The following PTPRG variants were observed in gnomAD, a reference collection of about 807,000 sequenced individuals.
The protein encoded by PTPRG is protein tyrosine phosphatase receptor type G, also known as receptor-type tyrosine-protein phosphatase gamma.
PTPRG carries 102 observed loss-of-function variants against 165.3 expected under a neutral mutation model. The ratio of observed to expected loss-of-function variants is 0.62; its 90% CI spans 0.53 to 0.73. The LOEUF (loss-of-function observed/expected upper bound fraction) is 0.73. Ranked by LOEUF, PTPRG falls within the 30% of genes least tolerant of loss-of-function variation. The pLI, the probability that PTPRG is intolerant of heterozygous loss-of-function variation, is 0.00. For missense variants in PTPRG, 1,866 were observed against 1,861.4 expected (o/e 1.00, Z -0.05); for synonymous variants, 675 against 669.5 (o/e 1.01, Z -0.13).
At chr3:61,894,208 G>A (rs183550630) in intron 2 of PTPRG, among the ~76,000 whole-genome samples, 47 of 146,014 alleles carry the variant, frequency 3.2e-4, no homozygotes, top group Admixed American at 6.5e-4. Context: ...GAGCTGAGGC[G>A]AAAGAATTGC....
intron 2 of PTPRG, among the ~76,000 whole-genome samples, chr3:61,982,608 G>A (rs2040665265): frequency 6.6e-6 from 1 of 152,058 alleles, no homozygotes; most frequent in African/African-American, 2.4e-5. Flanking sequence ...CTCCTTTTGA[G>A]CCTTTACTCA....
chr3:62,065,246 A>C (rs1489219048), intron 4 of PTPRG, among the ~76,000 whole-genome samples: 1 of 152,156 alleles, frequency 6.6e-6, no homozygotes, highest in Non-Finnish European at 1.5e-5. Flanking sequence ...TTGCTCACTG[A>C]GGCATGTTTA....
intron 2 of PTPRG, among the ~76,000 whole-genome samples, chr3:61,785,382 T>G (rs1007684839): frequency 6.6e-6 from 1 of 152,134 alleles, no homozygotes; most frequent in Non-Finnish European, 1.5e-5. Context: ...AGAAGAGAGA[T>G]ATATTTATAT....
intron 5 of PTPRG, among the ~76,000 whole-genome samples, chr3:62,128,074 G>A (rs1703380901): frequency 6.6e-6 from 1 of 152,112 alleles, no homozygotes; most frequent in Non-Finnish European, 1.5e-5. Context: ...ATATACTTTG[G>A]TTGTATCTAA....
At chr3:61,825,971 G>A (rs2107274011) in intron 2 of PTPRG, among the ~76,000 whole-genome samples, 1 of 152,236 alleles carries the variant, frequency 6.6e-6, no homozygotes, top group Admixed American at 6.5e-5. Flanking sequence ...GTTAATAAAT[G>A]ATGATAACAG....
At chr3:61,843,824 T>A (rs1427149800) in intron 2 of PTPRG, among the ~76,000 whole-genome samples, 111 of 144,456 alleles carry the variant, frequency 7.7e-4, no homozygotes, top group Admixed American at 1.2e-3. Flanking sequence ...GACATTTCTT[T>A]AAAAAAAAAA....
chr3:62,135,986 A>T (rs1209734944), intron 6 of PTPRG, among the ~76,000 whole-genome samples: 1 of 152,174 alleles, frequency 6.6e-6, no homozygotes, highest in African/African-American at 2.4e-5. Flanking sequence ...CGCTGGGCAG[A>T]TCCTGGAGGT....
At chr3:61,669,905 C>T (rs1348870242) in intron 1 of PTPRG, among the ~76,000 whole-genome samples, 2 of 152,098 alleles carry the variant, frequency 1.3e-5, no homozygotes, top group African/African-American at 4.8e-5. Context: ...TGTGCTTAGT[C>T]ATGTAGGGCT....
At chr3:61,659,644 G>A (rs1170106341) in intron 1 of PTPRG, among the ~76,000 whole-genome samples, 3 of 152,138 alleles carry the variant, frequency 2.0e-5, no homozygotes, top group African/African-American at 7.2e-5. Flanking sequence ...CATTTTGAGT[G>A]TCATTGATGA....
intron 1 of PTPRG, among the ~76,000 whole-genome samples, chr3:61,568,629 G>T (rs868647186): frequency 2.0e-5 from 3 of 151,824 alleles, no homozygotes; most frequent in African/African-American, 7.2e-5. Flanking sequence ...TTTTTTTTTG[G>T]CCTGGCATGG....
chr3:61,987,559 C>T (rs892548892), intron 2 of PTPRG, among the ~76,000 whole-genome samples: 15 of 152,098 alleles, frequency 9.9e-5, no homozygotes, highest in African/African-American at 3.1e-4. Flanking sequence ...ATTTATTTTA[C>T]TGTGTCCCAT....
chr3:61,993,715 C>G (rs79125038), intron 3 of PTPRG, among the ~76,000 whole-genome samples: 10,112 of 152,114 alleles, frequency 0.066, 758 homozygotes, highest in African/African-American at 0.18. Context: ...TCTTGCATAC[C>G]TAAAAGTATT....
At chr3:62,268,320 A>C (rs1701949551) in intron 19 of PTPRG, among the ~76,000 whole-genome samples, 1 of 152,078 alleles carries the variant, frequency 6.6e-6, no homozygotes, top group Non-Finnish European at 1.5e-5. Context: ...TTAGTGCTGT[A>C]GAATTTATTG....
At chr3:62,118,737 C>T (rs1559528458) in intron 5 of PTPRG, among the ~76,000 whole-genome samples, 2 of 152,152 alleles carry the variant, frequency 1.3e-5, no homozygotes, top group Admixed American at 1.3e-4. Flanking sequence ...ATGCCTGTGT[C>T]ACAGGCATCT....
chr3:61,622,118 T>C (rs1419419196), intron 1 of PTPRG, among the ~76,000 whole-genome samples: 1 of 152,236 alleles, frequency 6.6e-6, no homozygotes, highest in Non-Finnish European at 1.5e-5. Context: ...TTTTCCCGCC[T>C]AAGTTAACTT....
intron 2 of PTPRG, among the ~76,000 whole-genome samples, chr3:61,936,276 C>G (rs1356775453): frequency 6.6e-6 from 1 of 152,162 alleles, no homozygotes; most frequent in African/African-American, 2.4e-5. Context: ...AGACAATTAC[C>G]CTGTGGGACA....
At chr3:61,982,070 T>G (rs2040654735) in intron 2 of PTPRG, among the ~76,000 whole-genome samples, 2 of 152,166 alleles carry the variant, frequency 1.3e-5, no homozygotes, top group Admixed American at 1.3e-4. Flanking sequence ...TTTTAATCCT[T>G]GGATGATTGT....
intron 16 of PTPRG, among the ~76,000 whole-genome samples, chr3:62,260,531 C>CT (rs1701664086): frequency 1.3e-5 from 2 of 152,112 alleles, no homozygotes; most frequent in African/African-American, 4.8e-5. Flanking sequence ...TTCTCCTATG[C>CT]TTATGTGCCT....
chr3:61,696,317 C>G (rs1466675641), intron 1 of PTPRG, among the ~76,000 whole-genome samples: 1 of 152,136 alleles, frequency 6.6e-6, no homozygotes, highest in Non-Finnish European at 1.5e-5. Context: ...GTCTGACCAA[C>G]ATGGGGAAAC....
Sources: gnomAD v4.1 joint callset for allele counts (sites outside exome capture counted in the v4.1 genomes callset) on GRCh38, gnomAD v4.1.1 for gene constraint, MANE v1.5 for transcripts, NCBI Gene and HGNC (gene_info 2026-07-23, HGNC 2026-07-21) for gene names.